DPP10: variants seen among roughly 807,000 people sequenced by gnomAD.
The protein encoded by DPP10 is inactive dipeptidyl peptidase 10.
In DPP10, 33 loss-of-function variants were observed where a neutral mutation model predicts 120.9. That is an observed-to-expected ratio of 0.27 (90% CI 0.21 to 0.37). The LOEUF (loss-of-function observed/expected upper bound fraction) is 0.37, where lower values mean the gene tolerates loss of function less well. Ranked by LOEUF, DPP10 falls within the 10% of genes least tolerant of loss-of-function variation. The pLI is 1.00. For missense variants in DPP10, 816 were observed against 942.8 expected, an observed-to-expected ratio of 0.87 and a Z score of 1.76; for synonymous variants, 337 against 326.1, an observed-to-expected ratio of 1.03 and a Z score of -0.36.
At chr2:114,701,973 A>G (rs1193818580) in intron 1 of DPP10, among the ~76,000 whole-genome samples, 1 of 152,178 alleles carries the variant, frequency 6.6e-6, no homozygotes, top group Non-Finnish European at 1.5e-5. Flanking sequence ...TTAGATGAAT[A>G]ATTATTGATA....
chr2:115,743,071 G>C (rs1192694122), intron 9 of DPP10, among the ~76,000 whole-genome samples: 1 of 151,412 alleles, frequency 6.6e-6, no homozygotes, highest in African/African-American at 2.4e-5. Context: ...TGTTATTGAG[G>C]CTTGTGTTTC....
At chr2:115,431,248 A>G (rs2070949142) in intron 3 of DPP10, among the ~76,000 whole-genome samples, 1 of 152,182 alleles carries the variant, frequency 6.6e-6, no homozygotes, top group African/African-American at 2.4e-5. Flanking sequence ...TCTGGAGGAC[A>G]AGTCCATGAC....
intron 1 of DPP10, among the ~76,000 whole-genome samples, chr2:115,257,699 T>G (rs1164941110): frequency 2.0e-5 from 3 of 152,192 alleles, no homozygotes; most frequent in Admixed American, 6.5e-5. Flanking sequence ...GATGTACAAC[T>G]AAGTAGAAGC....
chr2:115,162,208 C>T (rs1308717977), intron 1 of DPP10: 8 of 1,555,620 alleles, frequency 5.1e-6, no homozygotes, highest in Admixed American at 2.0e-5. Context: ...AGAGCCTCTG[C>T]GTGCGCTCCG....
intron 1 of DPP10, among the ~76,000 whole-genome samples, chr2:114,443,987 C>T (rs1475562747): frequency 6.6e-6 from 1 of 152,092 alleles, no homozygotes; most frequent in African/African-American, 2.4e-5. Flanking sequence ...TAAACATGTT[C>T]CTCTATTTAT....
intron 1 of DPP10, among the ~76,000 whole-genome samples, chr2:114,876,273 C>T (rs978657397): frequency 6.6e-6 from 1 of 152,078 alleles, no homozygotes; most frequent in African/African-American, 2.4e-5. Flanking sequence ...GCATCACCAG[C>T]AGAGCAGGAA....
At chr2:115,700,792 A>T (rs544553377) in intron 7 of DPP10, among the ~76,000 whole-genome samples, 1 of 152,158 alleles carries the variant, frequency 6.6e-6, no homozygotes, top group African/African-American at 2.4e-5. Context: ...AGTCTATACA[A>T]TAACTGTGGG....
chr2:115,657,773 T>C (rs551000179), intron 5 of DPP10, among the ~76,000 whole-genome samples: 30 of 152,104 alleles, frequency 2.0e-4, no homozygotes, highest in African/African-American at 5.5e-4. Context: ...TTACATGCTA[T>C]CTGCTTATGT....
intron 1 of DPP10, among the ~76,000 whole-genome samples, chr2:114,449,382 T>G (rs1678123115): frequency 6.6e-6 from 1 of 152,100 alleles, no homozygotes; most frequent in Admixed American, 6.6e-5. Flanking sequence ...GAACAAGATT[T>G]AAGCTGGGGG....
At chr2:115,238,279 G>A (rs977374815) in intron 1 of DPP10, among the ~76,000 whole-genome samples, 2 of 152,150 alleles carry the variant, frequency 1.3e-5, no homozygotes, top group African/African-American at 4.8e-5. Context: ...ACCTCTGCTT[G>A]CAGCACAGTT....
chr2:115,032,241 C>G (rs1057008573), intron 1 of DPP10, among the ~76,000 whole-genome samples: 8 of 150,860 alleles, frequency 5.3e-5, no homozygotes, highest in African/African-American at 1.5e-4. Context: ...GAGCAAAAAG[C>G]ATGCAAAGCA....
chr2:114,682,556 G>A (rs1474133539), intron 1 of DPP10, among the ~76,000 whole-genome samples: 4 of 150,728 alleles, frequency 2.7e-5, no homozygotes, highest in African/African-American at 4.9e-5. Flanking sequence ...ATTCTAAATT[G>A]CAATCGATGG....
chr2:115,190,727 A>G (rs1398765739), intron 1 of DPP10, among the ~76,000 whole-genome samples: 1 of 152,112 alleles, frequency 6.6e-6, no homozygotes, highest in Non-Finnish European at 1.5e-5. Flanking sequence ...GAGCTACCAT[A>G]CAGCTCATGC....
chr2:115,629,686 C>A, intron 5 of DPP10, among the ~76,000 whole-genome samples: 1 of 152,080 alleles, frequency 6.6e-6, no homozygotes, highest in Non-Finnish European at 1.5e-5. Flanking sequence ...TTGTTTTTGT[C>A]AGGTTTGTTG....
At chr2:115,258,479 CA>C (rs59149975) in intron 1 of DPP10, among the ~76,000 whole-genome samples, 2,579 of 104,562 alleles carry the variant, frequency 0.025, 30 homozygotes, top group African/African-American at 0.06. Context: ...TCCAAGTTGG[CA>C]AAAAAAAAAA....
chr2:114,686,422 A>C (rs756837346), intron 1 of DPP10, among the ~76,000 whole-genome samples: 117 of 152,052 alleles, frequency 7.7e-4, no homozygotes, highest in South Asian at 4.4e-3. Context: ...ATACTTCACA[A>C]AATTAAAGAA....
chr2:114,803,316 A>G (rs901429189), intron 1 of DPP10, among the ~76,000 whole-genome samples: 2 of 152,212 alleles, frequency 1.3e-5, no homozygotes, highest in Non-Finnish European at 2.9e-5. Flanking sequence ...CTTTATCAGC[A>G]GCATGAATAC....
intron 3 of DPP10, among the ~76,000 whole-genome samples, chr2:115,425,551 A>G (rs529477138): frequency 6.6e-6 from 1 of 152,206 alleles, no homozygotes; most frequent in Non-Finnish European, 1.5e-5. Flanking sequence ...AATGAGCATA[A>G]ATTGAAACTA....
At chr2:115,413,495 T>A (rs993902478) in intron 3 of DPP10, among the ~76,000 whole-genome samples, 1 of 152,130 alleles carries the variant, frequency 6.6e-6, no homozygotes, top group African/African-American at 2.4e-5. Flanking sequence ...TTTCTTTATA[T>A]TTTCTCTACT....
Sources: gnomAD v4.1 joint callset for allele counts (sites outside exome capture counted in the v4.1 genomes callset) on GRCh38, gnomAD v4.1.1 for gene constraint, MANE v1.5 for transcripts, NCBI Gene and HGNC (gene_info 2026-07-23, HGNC 2026-07-21) for gene names.